Variants in KCNMB2 observed in about 807,000 individuals in gnomAD.
The protein encoded by KCNMB2 is potassium calcium-activated channel subfamily M regulatory beta subunit 2, also known as calcium-activated potassium channel subunit beta-2.
KCNMB2 carries 9 observed loss-of-function variants against 24.5 expected under a neutral mutation model. The ratio of observed to expected loss-of-function variants is 0.37; its 90% CI spans 0.22 to 0.64. KCNMB2 has a LOEUF of 0.64. Ranked by LOEUF, KCNMB2 falls within the 30% of genes least tolerant of loss-of-function variation. The probability of loss-of-function intolerance (pLI) is 0.63; values close to 1 mark genes in which losing one functional copy is unlikely to be tolerated. For synonymous variants in KCNMB2, 109 were observed against 104.4 expected, an observed-to-expected ratio of 1.04 and a Z score of -0.27; for missense variants, 226 against 284.3, an observed-to-expected ratio of 0.79 and a Z score of 1.47.
chr3:178,843,152 T>C lies in KCNMB2; in HGVS notation c.*215T>C, dbSNP rs557666599. The C allele has an allele frequency of 3.1e-4, 198 of 635,412 alleles. 3 individuals are homozygous for C. The highest frequency in any genetic ancestry group is 2.9e-3 in the South Asian group (192 of 65,540). 39.4% of individuals were successfully genotyped at this position (635,412 alleles called of 1,614,324 possible). On this transcript the variant is annotated 3_prime_UTR_variant, in exon 5 of 5. Transcript: ENST00000452583. ...AACTGTTTTGTGTTGGTTGGTGGTT[T>C]TCATAATCTTATTTCTGTACTGGAA... is the stretch of plus-strand genomic sequence containing the variant.
intron 1 of KCNMB2, among the ~76,000 whole-genome samples, chr3:178,731,127 A>G (rs941987023): frequency 6.6e-6 from 1 of 152,102 alleles, no homozygotes; most frequent in Non-Finnish European, 1.5e-5. Context: ...AAAATAAGGA[A>G]AAGGAAGAAA....
At chr3:178,699,903 T>C (rs1328186564) in intron 1 of KCNMB2, among the ~76,000 whole-genome samples, 1 of 152,212 alleles carries the variant, frequency 6.6e-6, no homozygotes, top group African/African-American at 2.4e-5. Context: ...GCCGGGGTTC[T>C]AGAGGCCTGT....
chr3:178,659,424 A>G (rs1253722979), intron 1 of KCNMB2, among the ~76,000 whole-genome samples: 4 of 152,200 alleles, frequency 2.6e-5, no homozygotes, highest in Non-Finnish European at 5.9e-5. Context: ...TAAAAGTTCA[A>G]TTTTCTCCAG....
At chr3:178,579,338 C>A (rs1397260470) in intron 1 of KCNMB2, among the ~76,000 whole-genome samples, 1 of 152,052 alleles carries the variant, frequency 6.6e-6, no homozygotes, top group African/African-American at 2.4e-5. Context: ...AAAGACACAA[C>A]ATACAAGAAT....
At chr3:178,596,943 T>C (rs947862962) in intron 1 of KCNMB2, among the ~76,000 whole-genome samples, 1 of 152,106 alleles carries the variant, frequency 6.6e-6, no homozygotes, top group Non-Finnish European at 1.5e-5. Flanking sequence ...CTGCTTCATA[T>C]TTAAGGTTTC....
chr3:178,647,175 C>T (rs528312136), intron 1 of KCNMB2, among the ~76,000 whole-genome samples: 8 of 152,194 alleles, frequency 5.3e-5, no homozygotes, highest in African/African-American at 1.9e-4. Flanking sequence ...GCTTCCTAGC[C>T]TGTCAGAAAG....
chr3:178,690,660 A>C (rs984531549), intron 1 of KCNMB2, among the ~76,000 whole-genome samples: 1 of 152,226 alleles, frequency 6.6e-6, no homozygotes, highest in African/African-American at 2.4e-5. Context: ...TGGATTATTT[A>C]AATTATGTTT....
At position 178,842,970 on chromosome 3, in the gene KCNMB2, G is replaced by A. The variant is rs898825162; in HGVS notation, c.*33G>A. ...AATGGATAAAATAATTTTTGTTAAA[G>A]CTCAAATACTGTTTTCTTTCATTCT... On this transcript the variant is annotated 3_prime_UTR_variant, in exon 5 of 5. Transcript: ENST00000452583. 1.3e-6 allele frequency: 2 copies of A among 1,553,124 alleles called. No homozygotes were observed. Among genetic ancestry groups the A allele is most frequent in the Non-Finnish European group, 1.8e-6 (2 of 1,139,512 alleles).
At chr3:178,829,990 T>TA (rs1407969680) in intron 4 of KCNMB2, among the ~76,000 whole-genome samples, 1 of 152,152 alleles carries the variant, frequency 6.6e-6, no homozygotes, top group Non-Finnish European at 1.5e-5. Flanking sequence ...GTAACCACCT[T>TA]AAGGGTAAAG....
At chr3:178,732,035 A>G (rs1723168445) in intron 1 of KCNMB2, among the ~76,000 whole-genome samples, 1 of 152,208 alleles carries the variant, frequency 6.6e-6, no homozygotes, top group Non-Finnish European at 1.5e-5. Context: ...GAAACAATCT[A>G]TTTCTGCAAC....
At chr3:178,720,493 C>T (rs1394654881) in intron 1 of KCNMB2, among the ~76,000 whole-genome samples, 3 of 109,712 alleles carry the variant, frequency 2.7e-5, no homozygotes, top group African/African-American at 1.3e-4. Flanking sequence ...TGGGTATATA[C>T]CCAGTAACGG....
At chr3:178,556,718 A>C (rs1356874603) in intron 1 of KCNMB2, among the ~76,000 whole-genome samples, 1 of 152,142 alleles carries the variant, frequency 6.6e-6, no homozygotes, top group Non-Finnish European at 1.5e-5. Flanking sequence ...ACATACTTTT[A>C]AAGGAAACTT....
At chr3:178,818,809 G>T (rs765213317) in intron 2 of KCNMB2, among the ~76,000 whole-genome samples, 15 of 151,990 alleles carry the variant, frequency 9.9e-5, no homozygotes, top group Non-Finnish European at 2.1e-4. Flanking sequence ...AGACATACAA[G>T]ATCCTTTTTC....
intron 1 of KCNMB2, among the ~76,000 whole-genome samples, chr3:178,673,618 T>G (rs996058688): frequency 2.0e-5 from 3 of 152,138 alleles, no homozygotes; most frequent in Non-Finnish European, 4.4e-5. Context: ...CTGGAGCCCA[T>G]GCCCACCCAA....
chr3:178,608,240 C>T (rs1343164488), intron 1 of KCNMB2, among the ~76,000 whole-genome samples: 1 of 152,170 alleles, frequency 6.6e-6, no homozygotes, highest in Non-Finnish European at 1.5e-5. Flanking sequence ...GATGCAAGAG[C>T]ATTTTATAAT....
chr3:178,653,800 G>C (rs901133210), intron 1 of KCNMB2, among the ~76,000 whole-genome samples: 1 of 152,004 alleles, frequency 6.6e-6, no homozygotes, highest in African/African-American at 2.4e-5. Flanking sequence ...GGCTAGCTGA[G>C]ATTTTACTTG....
chr3:178,538,408 A>G (rs1715479010), intron 1 of KCNMB2, among the ~76,000 whole-genome samples: 1 of 152,254 alleles, frequency 6.6e-6, no homozygotes, highest in Non-Finnish European at 1.5e-5. Flanking sequence ...GAGAGAGCTC[A>G]AAATACACAA....
chr3:178,705,336 A>G (rs188971348), intron 1 of KCNMB2, among the ~76,000 whole-genome samples: 2 of 152,224 alleles, frequency 1.3e-5, no homozygotes. Context: ...CAGGCCTGTG[A>G]AAACCATGCT....
At chr3:178,661,041 G>A (rs935183665) in intron 1 of KCNMB2, among the ~76,000 whole-genome samples, 8 of 151,894 alleles carry the variant, frequency 5.3e-5, no homozygotes. Context: ...AGAACGTGCA[G>A]ATTTGTTACA....
Sources: allele counts gnomAD v4.1 joint callset (sites outside exome capture counted in the v4.1 genomes callset), GRCh38; gene constraint gnomAD v4.1.1; transcripts MANE v1.5; gene names NCBI Gene and HGNC (gene_info 2026-07-23, HGNC 2026-07-21).